SLC34A1: variants seen among roughly 807,000 people sequenced by gnomAD.
SLC34A1 encodes the protein solute carrier family 34 member 1, also known as sodium-dependent phosphate transport protein 2A.
Under a neutral mutation model 51.4 loss-of-function variants are expected in SLC34A1, and 57 were observed. The observed-to-expected ratio is 1.11, with a 90% CI of 0.90 to 1.38. SLC34A1 has a LOEUF of 1.38. Ranked by LOEUF, SLC34A1 falls within the 40% of genes most tolerant of loss-of-function variation. The pLI, the probability that SLC34A1 is intolerant of heterozygous loss-of-function variation, is 0.00. For missense variants in SLC34A1, 796 were observed against 835.6 expected, an observed-to-expected ratio of 0.95 and a Z score of 0.58; for synonymous variants, 368 against 358.0, an observed-to-expected ratio of 1.03 and a Z score of -0.32.
At chr5:177,395,225 TA>T (rs1444617959) in intron 10 of SLC34A1, among the ~76,000 whole-genome samples, 1 of 151,270 alleles carries the variant, frequency 6.6e-6, no homozygotes, top group South Asian at 2.1e-4. Context: ...GAAAATGAAT[TA>T]GGGGGATAAA....
In SLC34A1 at chr5:177,397,825, C is replaced by T; in HGVS notation, c.1459C>T (p.Leu487=). 6.2e-7 allele frequency: 1 copy of T among 1,613,220 alleles called. No individual in the cohort carries two copies. Residue 487 remains leucine, a synonymous_variant, in exon 13 of 13, where the codon CTG becomes TTG. Coordinates refer to ENST00000324417, the MANE Select transcript of SLC34A1 (RefSeq NM_003052.5). ...HFFFNISGIL[L]WYPVPCTRLP... ...CTTCTTCAACATCTCGGGTATCCTT[C>T]TGTGGTACCCGGTGCCCTGCACACG... is the stretch of plus-strand genomic sequence containing the variant.
At chr5:177,390,128 C>T in intron 8 of SLC34A1, 1 of 1,045,034 alleles carries the variant, frequency 9.6e-7, no homozygotes, top group Non-Finnish European at 1.2e-6. Context: ...CCCTTCCAAC[C>T]TGTTCCCATT....
rs145542852 is a variant in SLC34A1, at chr5:177,396,785, C to T, written c.1227C>T (p.Gly409=). ...CAGGCTACTTTGCCATGGTGGTGGG[C>T]GCCAGCATGACCTTCGTGGTCCAGA... is the stretch of plus-strand genomic sequence containing the variant. ...WVTGYFAMVV[G]ASMTFVVQSS... Residue 409 remains glycine, a synonymous_variant, in exon 11 of 13, where the codon GGC becomes GGT. Transcript: ENST00000324417. This position sits in a 1 kb window ranked among gnomAD's most constrained non-coding sequence, Gnocchi z 4.0. The T allele has an allele frequency of 3.9e-5, 63 of 1,614,214 alleles. No homozygotes were observed. Among genetic ancestry groups the T allele is most frequent in the East Asian group, 8.9e-5 (4 of 44,882 alleles).
Position 177,393,872 on chromosome 5 carries a change from G to T in SLC34A1, c.1006+109G>T, listed in dbSNP as rs1160440606. On this transcript the variant is annotated intron_variant, in intron 9 of 12. Coordinates refer to ENST00000324417, the MANE Select transcript of SLC34A1 (RefSeq NM_003052.5). The stretch of plus-strand genomic sequence containing the variant: ...GTGTCCAGCCCCAGGAAGCATGGCT[G>T]TCAACTAGCCCAGCTCCTGAGCCTG... 4 of 1,478,804 alleles carry T rather than the reference G, an allele frequency of 2.7e-6. No homozygotes were observed. The African/African-American group carries it at 4.2e-5, about 15-fold the overall frequency. 91.6% of individuals were successfully genotyped at this position (1,478,804 alleles called of 1,614,324 possible).
intron 5 of SLC34A1, among the ~76,000 whole-genome samples, chr5:177,387,214 CA>C (rs75240921): frequency 0.08 from 10,889 of 136,094 alleles, 1,006 homozygotes; most frequent in African/African-American, 0.24. Context: ...ACTAAAAATA[CA>C]AAAAAAAAAA....
At chr5:177,385,024 G>C (rs73336282) in intron 1 of SLC34A1, among the ~76,000 whole-genome samples, 3,319 of 152,322 alleles carry the variant, frequency 0.022, 104 homozygotes, top group African/African-American at 0.076. Flanking sequence ...GGGGACAAGG[G>C]GGGGCTGAGG....
rs920382508 is a variant in SLC34A1, at chr5:177,386,988, T to C, written c.532+422T>C. On this transcript the variant is annotated intron_variant, in intron 5 of 12. Coordinates refer to ENST00000324417, the MANE Select transcript of SLC34A1 (RefSeq NM_003052.5). The surrounding 1 kb of genome is among the most constrained non-coding windows in gnomAD (Gnocchi z 4.8). ...AAAGTCAGCTGACTGTAGACGTGAA[T>C]TGCATCTACAAAACACCTTACAGAA... is the stretch of plus-strand genomic sequence containing the variant. Among the ~76,000 whole-genome samples the C allele has an allele frequency of 7.2e-5, 11 of 151,970 alleles. No homozygotes were observed. Among genetic ancestry groups the C allele is most frequent in the African/African-American group, 2.7e-4 (11 of 41,370 alleles).
chr5:177,391,853 T>C (rs1173597942), intron 8 of SLC34A1, among the ~76,000 whole-genome samples: 15 of 152,222 alleles, frequency 9.9e-5, no homozygotes, highest in Admixed American at 9.8e-4. Flanking sequence ...AAACAGGCTC[T>C]GAGAGGTGGC....
chr5:177,389,540 C>T (rs1762728023), intron 8 of SLC34A1: 1 of 1,471,494 alleles, frequency 6.8e-7, no homozygotes, highest in Non-Finnish European at 9.1e-7. Flanking sequence ...AGCTTTTACG[C>T]TGACTTCATG....
intron 5 of SLC34A1, 114 bp from the exon 6 acceptor site, chr5:177,387,648 A>G: frequency 1.1e-6 from 1 of 872,600 alleles, no homozygotes; most frequent in South Asian, 1.3e-5. Flanking sequence ...ACTCAGCAGC[A>G]TGGCAGGAGC....
At chr5:177,387,718 C>G (rs1762638222) in intron 5 of SLC34A1, 44 bp from the exon 6 acceptor site, 4 of 1,515,308 alleles carry the variant, frequency 2.6e-6, no homozygotes, top group South Asian at 2.2e-5. Flanking sequence ...GGTGCAGGAG[C>G]TGGGTGACCG....
rs748472359 is a variant in SLC34A1 at position 177,397,043 on chromosome 5, G to T, written c.1385G>T (p.Ser462Ile). The change falls in exon 12 of 13, where the codon AGC becomes ATC. Residue 462 changes from serine (S) to isoleucine (I), a missense_variant. Ser to Ile is a moderately radical substitution (Grantham distance 142, BLOSUM62 -2). Coordinates refer to ENST00000324417, the MANE Select transcript of SLC34A1 (RefSeq NM_003052.5). The stretch of plus-strand genomic sequence containing the variant: ...ACGGCCATCCTGGCTGCCCTGGCCA[G>T]CCCCAGGGAGAAGCTGTCCAGCGCT... ...TTTAILAALA[S>I]PREKLSSAFQ... The T allele has an allele frequency of 6.2e-7, 1 of 1,613,900 alleles. No individual in the cohort carries two copies. The highest frequency in any genetic ancestry group is 1.1e-5 in the South Asian group (1 of 91,074).
Position 177,397,852 on chromosome 5 carries a change from C to G in SLC34A1, c.1486C>G (p.Leu496Val). The change falls in exon 13 of 13, where the codon CTG (leucine) becomes GTG (valine). Residue 496 changes from leucine (L) to valine (V), a missense_variant. By Grantham distance (32) the Leu-to-Val change is conservative. Coordinates refer to ENST00000324417, the MANE Select transcript of SLC34A1 (RefSeq NM_003052.5). Reference protein sequence around the residue: ...LLWYPVPCTRLPIRMAKALGK... With the variant: ...LLWYPVPCTRVPIRMAKALGK... ...GTGGTACCCGGTGCCCTGCACACGC[C>G]TGCCCATCCGCATGGCCAAGGCGCT... 1 of 1,613,744 alleles carries G rather than the reference C, an allele frequency of 6.2e-7. No homozygotes were observed. The highest frequency in any genetic ancestry group is 8.5e-7 in the Non-Finnish European group (1 of 1,179,998).
chr5:177,397,268 C>G, intron 12 of SLC34A1, 194 bp downstream of exon 12: 1 of 634,146 alleles, frequency 1.6e-6, no homozygotes, highest in East Asian at 2.8e-5. Context: ...TAGGGAGACA[C>G]TGCTCATAAT....
chr5:177,397,328 G>A (rs925977835), intron 12 of SLC34A1: 21 of 543,770 alleles, frequency 3.9e-5, no homozygotes, highest in Non-Finnish European at 5.9e-5. Context: ...GGAAGAGGAA[G>A]AGGAAGAGGC....
Position 177,388,582 on chromosome 5 carries a change from T to C in SLC34A1, c.936+210T>C, listed in dbSNP as rs1762686993. Among the ~76,000 whole-genome samples, 2 of 152,062 alleles carry C rather than the reference T, an allele frequency of 1.3e-5. No homozygotes were observed. Among genetic ancestry groups the C allele is most frequent in the African/African-American group, 2.4e-5 (1 of 41,404 alleles). ...GCAGACATCACCAATCAATTAAAGTTGTTATGTAATTGATCTAGCCCAGTG... is the reference window on the plus strand; with the variant it reads ...GCAGACATCACCAATCAATTAAAGTCGTTATGTAATTGATCTAGCCCAGTG... On this transcript the variant is annotated intron_variant, in intron 8 of 12. Coordinates refer to ENST00000324417, the MANE Select transcript of SLC34A1 (RefSeq NM_003052.5). This position sits in a 1 kb window ranked among gnomAD's most constrained non-coding sequence, Gnocchi z 4.3.
chr5:177,389,868 C>T, intron 8 of SLC34A1: 4 of 1,455,062 alleles, frequency 2.7e-6, no homozygotes, highest in Non-Finnish European at 3.6e-6. Context: ...GACACTTGTC[C>T]AGCTGGTTTC....
Position 177,398,034 on chromosome 5 carries a change from G to A in SLC34A1, c.1668G>A (p.Val556=). ...TPFGALLAFV[V]LINVLQSRSP... Reference sequence around the variant, plus strand: ...TCGGGGCCCTGCTGGCCTTCGTGGTGCTCATCAATGTCCTGCAGAGTCGGA... The same window carrying A: ...TCGGGGCCCTGCTGGCCTTCGTGGTACTCATCAATGTCCTGCAGAGTCGGA... The change falls in exon 13 of 13, where the codon GTG becomes GTA. Residue 556 remains valine, a synonymous_variant. Transcript: ENST00000324417. This position sits in a 1 kb window ranked among gnomAD's most constrained non-coding sequence, Gnocchi z 4.7. The A allele has an allele frequency of 1.2e-6, 2 of 1,614,096 alleles. No homozygotes were observed. Among genetic ancestry groups the A allele is most frequent in the Admixed American group, 3.3e-5 (2 of 60,028 alleles).
chr5:177,394,688 CT>C (rs34736156), intron 10 of SLC34A1, among the ~76,000 whole-genome samples: 9,715 of 105,010 alleles, frequency 0.093, 352 homozygotes, highest in African/African-American at 0.2. Flanking sequence ...GAGACTTTGT[CT>C]TTTTTTTTTT....
Sources: allele counts gnomAD v4.1 joint callset (sites outside exome capture counted in the v4.1 genomes callset), GRCh38; gene constraint gnomAD v4.1.1; non-coding constraint Gnocchi (gnomAD v3.1); transcripts MANE v1.5; gene names NCBI Gene and HGNC (gene_info 2026-07-23, HGNC 2026-07-21).